The following ADAMTS20 variants were observed in gnomAD, a reference collection of about 807,000 sequenced individuals.
ADAMTS20 encodes the protein A disintegrin and metalloproteinase with thrombospondin motifs 20.
In ADAMTS20, 225 loss-of-function variants were observed where a neutral mutation model predicts 260.1. The observed-to-expected ratio is 0.87, with a 90% CI of 0.78 to 0.97. The LOEUF (loss-of-function observed/expected upper bound fraction) is 0.97, where lower values mean the gene tolerates loss of function less well. Ranked by LOEUF, ADAMTS20 falls within the 50% of genes least tolerant of loss-of-function variation. The probability of loss-of-function intolerance (pLI) is 0.00; values close to 1 mark genes in which losing one functional copy is unlikely to be tolerated. For synonymous variants in ADAMTS20, 802 were observed against 769.5 expected (o/e 1.04, Z -0.70); for missense variants, 2,400 against 2,337.7 (o/e 1.03, Z -0.55).
intron 3 of ADAMTS20, 32 bp downstream of exon 3, chr12:43,532,004 T>A: frequency 7.1e-7 from 1 of 1,400,106 alleles, no homozygotes; most frequent in Non-Finnish European, 9.4e-7. Context: ...GTATCACTAT[T>A]TAGCTGAAAA....
chr12:43,549,940 A>T (rs1943490009), intron 2 of ADAMTS20, among the ~76,000 whole-genome samples: 1 of 152,254 alleles, frequency 6.6e-6, no homozygotes, highest in Non-Finnish European at 1.5e-5. Flanking sequence ...ATATCTTTGA[A>T]CACCTTCCAG....
At chr12:43,511,686 T>C (rs1297524738) in intron 3 of ADAMTS20, among the ~76,000 whole-genome samples, 1 of 152,166 alleles carries the variant, frequency 6.6e-6, no homozygotes, top group African/African-American at 2.4e-5. Flanking sequence ...ATATGTGCTC[T>C]TTGATTTGCC....
At chr12:43,398,476 C>T (rs994867091) in intron 29 of ADAMTS20, among the ~76,000 whole-genome samples, 1 of 152,116 alleles carries the variant, frequency 6.6e-6, no homozygotes, top group African/African-American at 2.4e-5. Flanking sequence ...CCTAGGCTAT[C>T]TATCTCTGAC....
intron 6 of ADAMTS20, 55 bp from the exon 7 acceptor site, chr12:43,490,490 C>A (rs1003124085): frequency 3.2e-6 from 3 of 950,312 alleles, no homozygotes; most frequent in Non-Finnish European, 3.0e-6. Context: ...TTGCAACAAG[C>A]CAAAATAAAA....
At chr12:43,494,803 C>G (rs138703171) in intron 4 of ADAMTS20, among the ~76,000 whole-genome samples, 1,661 of 152,208 alleles carry the variant, frequency 0.011, 18 homozygotes, top group Non-Finnish European at 0.017. Context: ...AAAAAGCACA[C>G]CTGTAATTAT....
intron 3 of ADAMTS20, among the ~76,000 whole-genome samples, chr12:43,521,811 C>G (rs1943075745): frequency 6.6e-6 from 1 of 152,064 alleles, no homozygotes; most frequent in Admixed American, 6.6e-5. Context: ...TACACACACA[C>G]CCGCACCTTA....
At chr12:43,401,211 G>A (rs1940803102) in intron 28 of ADAMTS20, among the ~76,000 whole-genome samples, 1 of 151,944 alleles carries the variant, frequency 6.6e-6, no homozygotes, top group Non-Finnish European at 1.5e-5. Flanking sequence ...TGAAGGAGAG[G>A]TAGGTTTGTT....
chr12:43,407,890 A>AT (rs1362699127), intron 28 of ADAMTS20, among the ~76,000 whole-genome samples: 3 of 152,170 alleles, frequency 2.0e-5, no homozygotes, highest in African/African-American at 7.2e-5. Context: ...TGTAATTTAT[A>AT]TTTTTAACTT....
chr12:43,489,264 T>A (rs1466504433), intron 7 of ADAMTS20, among the ~76,000 whole-genome samples: 2 of 152,006 alleles, frequency 1.3e-5, no homozygotes, highest in African/African-American at 4.8e-5. Flanking sequence ...AAGAATAGGT[T>A]TATAAATTCA....
chr12:43,491,791 AAAG>A (rs771688439), intron 6 of ADAMTS20, among the ~76,000 whole-genome samples: 10 of 152,210 alleles, frequency 6.6e-5, no homozygotes, highest in East Asian at 3.8e-4. Context: ...TGGACAAACG[AAAG>A]AAGAACAAAG....
chr12:43,382,134 T>C (rs1325534349), intron 31 of ADAMTS20, among the ~76,000 whole-genome samples: 2 of 152,140 alleles, frequency 1.3e-5, no homozygotes, highest in Non-Finnish European at 2.9e-5. Flanking sequence ...TATCCCTAGG[T>C]ATATGCCCAA....
At position 43,464,593 on chromosome 12, in the gene ADAMTS20, T is replaced by C. The variant is rs756717951; in HGVS notation, c.1507A>G (p.Ile503Val). 37 of 1,612,036 alleles carry C rather than the reference T, an allele frequency of 2.3e-5. No individual in the cohort carries two copies. In the Admixed American group the frequency reaches 4.2e-4, roughly 18 times the overall value. The change falls in exon 10 of 39, where the codon ATA becomes GTA. Residue 503 changes from isoleucine to valine, a missense_variant and splice_region_variant. Transcript: ENST00000389420. Reference protein sequence around the residue: ...FGPGSQMCPHINICMHLWCTS... With the variant: ...FGPGSQMCPHVNICMHLWCTS... ...ATAAAGGAATTTTCTTTTCTTACTA[T>C]ATGGGGACACATTTGTGACCCAGGA...
At position 43,535,124 on chromosome 12, in the gene ADAMTS20, C is replaced by G. The variant is rs542893921; in HGVS notation, c.454-2929G>C. ...TTACATCTGCTTGATTTCTTTAGCA[C>G]ATTTATCATATGTTGCATTTATATG... On this transcript the variant is annotated intron_variant, in intron 2 of 38. Transcript: ENST00000389420. Among the ~76,000 whole-genome samples, 7 of 152,204 alleles carry G rather than the reference C, an allele frequency of 4.6e-5. No homozygotes were observed. In the South Asian group the frequency reaches 1.5e-3, roughly 32 times the overall value.
Position 43,453,926 on chromosome 12 carries a change from T to G in ADAMTS20, c.1741A>C (p.Arg581=). Residue 581 remains arginine, a synonymous_variant, in exon 12 of 39, where the codon AGG becomes CGG. Coordinates refer to ENST00000389420, the MANE Select transcript of ADAMTS20 (RefSeq NM_025003.5). ...ACATACTCAGGACGATTACAGCGCC[T>G]GGTTGCACTTTCGATTCCGCCTCCA... ...TCGGGIESAT[R]RCNRPEPRNG... 1 of 1,608,018 alleles carries G rather than the reference T, an allele frequency of 6.2e-7. No homozygotes were observed. Among genetic ancestry groups the G allele is most frequent in the Non-Finnish European group, 8.5e-7 (1 of 1,176,730 alleles).
Position 43,404,995 on chromosome 12 carries a change from G to A in ADAMTS20, c.4285-5762C>T, listed in dbSNP as rs868675286. On this transcript the variant is annotated intron_variant, in intron 28 of 38. Transcript: ENST00000389420. The stretch of plus-strand genomic sequence containing the variant: ...TGACTCTTTTGCTGAAGCACAGATT[G>A]TTTAGTTATTCCAGGTCAATCAGTA... Among the ~76,000 whole-genome samples, 9 of 151,884 alleles carry A rather than the reference G, an allele frequency of 5.9e-5. 1 individual carries two copies. In the South Asian group the frequency reaches 1.7e-3, roughly 28 times the overall value.
At chr12:43,523,425 C>T (rs967710858) in intron 3 of ADAMTS20, among the ~76,000 whole-genome samples, 3 of 151,490 alleles carry the variant, frequency 2.0e-5, no homozygotes, top group African/African-American at 7.3e-5. Context: ...GATATAACCT[C>T]AAGTGGGGAA....
At chr12:43,475,489 A>C (rs1400971200) in intron 7 of ADAMTS20, among the ~76,000 whole-genome samples, 1 of 149,030 alleles carries the variant, frequency 6.7e-6, no homozygotes, top group Non-Finnish European at 1.5e-5. Flanking sequence ...GGAAAAAACT[A>C]CTTTAAAGTT....
intron 37 of ADAMTS20, among the ~76,000 whole-genome samples, chr12:43,362,655 A>T (rs1042650281): frequency 6.6e-6 from 1 of 152,134 alleles, no homozygotes; most frequent in African/African-American, 2.4e-5. Flanking sequence ...TTCTATGGTT[A>T]TACGGAAAAG....
At chr12:43,461,094 G>A (rs891509643) in intron 11 of ADAMTS20, among the ~76,000 whole-genome samples, 4 of 146,610 alleles carry the variant, frequency 2.7e-5, no homozygotes, top group African/African-American at 5.1e-5. Flanking sequence ...AGGTTCAAGC[G>A]ATTATACTGA....
Sources: gnomAD v4.1 joint callset for allele counts (sites outside exome capture counted in the v4.1 genomes callset) on GRCh38, gnomAD v4.1.1 for gene constraint, MANE v1.5 for transcripts, NCBI Gene and HGNC (gene_info 2026-07-23, HGNC 2026-07-21) for gene names.